Variants in SLC14A2 observed in about 807,000 individuals in gnomAD.
SLC14A2 encodes the protein urea transporter 2.
SLC14A2 carries 91 observed loss-of-function variants against 104.6 expected under a neutral mutation model. That is an observed-to-expected ratio of 0.87 (90% CI 0.73 to 1.04). SLC14A2 has a LOEUF of 1.04. Ranked by LOEUF, SLC14A2 falls within the 50% of genes least tolerant of loss-of-function variation. The pLI is 0.00. For synonymous variants in SLC14A2, 476 were observed against 466.4 expected (o/e 1.02, Z -0.27); for missense variants, 1,189 against 1,156.0 (o/e 1.03, Z -0.41).
intron 2 of SLC14A2, among the ~76,000 whole-genome samples, chr18:45,596,758 C>T (rs572986221): frequency 6.6e-6 from 1 of 152,318 alleles, no homozygotes; most frequent in East Asian, 1.9e-4. Context: ...TTAAAGTCAA[C>T]AGATTATGAA....
At chr18:45,609,942 C>A (rs1461372858) in intron 2 of SLC14A2, among the ~76,000 whole-genome samples, 1 of 152,164 alleles carries the variant, frequency 6.6e-6, no homozygotes, top group Non-Finnish European at 1.5e-5. Context: ...ATGCAAATGG[C>A]ATTTAATTAA....
At chr18:45,180,699 A>C in the SLC14A2 span, among the ~76,000 whole-genome samples, 25 of 152,286 alleles carry the variant, frequency 1.6e-4, no homozygotes, top group South Asian at 5.2e-3. Context: ...GATTCAAGAG[A>C]TTCCATTCCA....
chr18:45,477,955 G>A (rs1401023644), intron 1 of SLC14A2, among the ~76,000 whole-genome samples: 1 of 152,178 alleles, frequency 6.6e-6, no homozygotes, highest in Admixed American at 6.5e-5. Flanking sequence ...TAGACCACTT[G>A]GCTCCCTGGC....
chr18:45,651,854 T>G (rs2045743538), intron 10 of SLC14A2, among the ~76,000 whole-genome samples: 1 of 152,236 alleles, frequency 6.6e-6, no homozygotes, highest in South Asian at 2.1e-4. Context: ...TTTGGCCACT[T>G]TACCAAAATG....
chr18:45,288,633 G>A (rs181706514), intron 1 of SLC14A2, among the ~76,000 whole-genome samples: 1 of 152,112 alleles, frequency 6.6e-6, no homozygotes, highest in Non-Finnish European at 1.5e-5. Flanking sequence ...TAAAACCTAT[G>A]GCCATTAGGG....
chr18:45,352,278 C>G (rs900620987), intron 1 of SLC14A2, among the ~76,000 whole-genome samples: 2 of 152,128 alleles, frequency 1.3e-5, no homozygotes, highest in African/African-American at 2.4e-5. Flanking sequence ...GGGAATGACA[C>G]ACACACAACC....
intron 10 of SLC14A2, among the ~76,000 whole-genome samples, chr18:45,649,130 G>A (rs1023764190): frequency 5.3e-5 from 8 of 152,058 alleles, no homozygotes; most frequent in South Asian, 2.1e-4. Flanking sequence ...AGCCGAGATC[G>A]TGCACTGCAC....
At chr18:45,324,752 G>GC (rs199549149) in intron 1 of SLC14A2, among the ~76,000 whole-genome samples, 1 of 150,676 alleles carries the variant, frequency 6.6e-6, no homozygotes, top group African/African-American at 2.5e-5. Flanking sequence ...TTCAGCCACC[G>GC]CCCCCCACCC....
At chr18:45,289,875 C>T (rs948589412) in intron 1 of SLC14A2, among the ~76,000 whole-genome samples, 2 of 152,224 alleles carry the variant, frequency 1.3e-5, no homozygotes, top group Non-Finnish European at 1.5e-5. Context: ...CTGAACAACT[C>T]GAGAAGATCA....
chr18:45,214,036 A>G (rs1487653639), intron 1 of SLC14A2, among the ~76,000 whole-genome samples: 1 of 152,202 alleles, frequency 6.6e-6, no homozygotes, highest in African/African-American at 2.4e-5. Context: ...TAGGTAGGAA[A>G]AGGGTATGCA....
intron 16 of SLC14A2, among the ~76,000 whole-genome samples, chr18:45,670,490 C>G (rs2046113271): frequency 6.6e-6 from 1 of 152,188 alleles, no homozygotes; most frequent in Admixed American, 6.5e-5. Flanking sequence ...ATTGGCAACT[C>G]ATCATCTGAC....
chr18:45,377,866 C>T (rs1243294046), intron 1 of SLC14A2, among the ~76,000 whole-genome samples: 1 of 152,116 alleles, frequency 6.6e-6, no homozygotes, highest in Non-Finnish European at 1.5e-5. Context: ...TCTACAGTCC[C>T]ATCTTCCTGC....
intron 2 of SLC14A2, among the ~76,000 whole-genome samples, chr18:45,585,841 C>T (rs1478628175): frequency 6.6e-6 from 1 of 152,172 alleles, no homozygotes; most frequent in East Asian, 1.9e-4. Flanking sequence ...AATGGCTCCG[C>T]GAGAGTCCTT....
At chr18:45,482,800 A>T (rs553075653) in intron 1 of SLC14A2, among the ~76,000 whole-genome samples, 4 of 152,322 alleles carry the variant, frequency 2.6e-5, no homozygotes, top group Non-Finnish European at 2.9e-5. Context: ...GTGATCACAC[A>T]GTTATACAAT....
At chr18:45,209,865 A>ATAG (rs1456488057), upstream of SLC14A2, among the ~76,000 whole-genome samples, 1 of 152,258 alleles carries the variant, frequency 6.6e-6, no homozygotes, top group Non-Finnish European at 1.5e-5. Flanking sequence ...TCCACTTGAT[A>ATAG]TAGTCCTCTA....
At chr18:45,390,612 C>G (rs2085949910) in intron 1 of SLC14A2, among the ~76,000 whole-genome samples, 3 of 151,914 alleles carry the variant, frequency 2.0e-5, no homozygotes, top group Admixed American at 2.0e-4. Context: ...AAAAGATGCA[C>G]ACATAAGAGA....
At chr18:45,544,064 T>C (rs1255606883) in intron 2 of SLC14A2, among the ~76,000 whole-genome samples, 1 of 152,266 alleles carries the variant, frequency 6.6e-6, no homozygotes, top group Non-Finnish European at 1.5e-5. Flanking sequence ...GAGAGGGTTC[T>C]AGAAACTTGT....
chr18:45,267,451 CT>C (rs1372392641), intron 1 of SLC14A2, among the ~76,000 whole-genome samples: 24 of 152,190 alleles, frequency 1.6e-4, no homozygotes, highest in African/African-American at 5.8e-4. Context: ...CCCTTTTAGA[CT>C]CATGGCATCC....
At chr18:45,549,521 G>C (rs1429005048) in intron 2 of SLC14A2, among the ~76,000 whole-genome samples, 1 of 152,208 alleles carries the variant, frequency 6.6e-6, no homozygotes, top group Non-Finnish European at 1.5e-5. Context: ...GAAGCAGGGG[G>C]GAAGAAATCC....
Sources: gnomAD v4.1 joint callset for allele counts (sites outside exome capture counted in the v4.1 genomes callset) on GRCh38, gnomAD v4.1.1 for gene constraint, MANE v1.5 for transcripts, NCBI Gene and HGNC (gene_info 2026-07-23, HGNC 2026-07-21) for gene names.